Variants in SESTD1 observed in about 807,000 individuals in gnomAD.
The protein encoded by SESTD1 is SEC14 and spectrin domain containing 1, also known as SEC14 domain and spectrin repeat-containing protein 1.
A neutral mutation model predicts 101.7 loss-of-function variants in SESTD1; 43 were observed. That is an observed-to-expected ratio of 0.42 (90% CI 0.33 to 0.55). The LOEUF (loss-of-function observed/expected upper bound fraction) is 0.55, where lower values mean the gene tolerates loss of function less well. SESTD1 is among the 20% of genes least tolerant of loss of function. The pLI is 0.07. For missense variants in SESTD1, 647 were observed against 815.1 expected (o/e 0.79, Z 2.51); for synonymous variants, 283 against 286.8 (o/e 0.99, Z 0.13).
intron 9 of SESTD1, among the ~76,000 whole-genome samples, chr2:179,142,437 G>A (rs1190238452): frequency 1.3e-5 from 2 of 152,122 alleles, no homozygotes; most frequent in Non-Finnish European, 2.9e-5. Flanking sequence ...AGAAAGAGAG[G>A]AAAAGAGGAA....
chr2:179,232,652 A>G (rs1173327523), intron 1 of SESTD1, among the ~76,000 whole-genome samples: 5 of 152,196 alleles, frequency 3.3e-5, no homozygotes, highest in African/African-American at 1.2e-4. Context: ...AACAAGCTGT[A>G]GATCCACACA....
chr2:179,143,069 C>CTTTAGTATT (rs59246411), intron 9 of SESTD1, among the ~76,000 whole-genome samples: 63,824 of 151,246 alleles, frequency 0.42, 15,325 homozygotes, highest in African/African-American at 0.66. Flanking sequence ...AAATGTCTCC[C>CTTTAGTATT]TTTAGTATTT....
chr2:179,118,183 AAAT>A (rs1477517148), intron 13 of SESTD1, among the ~76,000 whole-genome samples: 2 of 152,140 alleles, frequency 1.3e-5, no homozygotes, highest in African/African-American at 4.8e-5. Flanking sequence ...ATAGTACCTA[AAAT>A]AATATTTAAT....
intron 4 of SESTD1, 38 bp from the exon 5 acceptor site, chr2:179,172,271 T>C: frequency 7.6e-7 from 1 of 1,310,942 alleles, no homozygotes; most frequent in Non-Finnish European, 1.1e-6. Flanking sequence ...ATTACACATG[T>C]AAAATGAATA....
At chr2:179,151,701 A>G (rs1413404698) in intron 5 of SESTD1, among the ~76,000 whole-genome samples, 1 of 152,162 alleles carries the variant, frequency 6.6e-6, no homozygotes, top group African/African-American at 2.4e-5. Context: ...CCTTAATGCA[A>G]TGAAGTAATA....
chr2:179,196,762 G>A (rs1304130323), intron 1 of SESTD1, among the ~76,000 whole-genome samples: 2 of 152,102 alleles, frequency 1.3e-5, no homozygotes, highest in Non-Finnish European at 2.9e-5. Context: ...CTGTTAGAAG[G>A]AAAACTAACA....
intron 1 of SESTD1, among the ~76,000 whole-genome samples, chr2:179,219,744 A>G (rs1266101742): frequency 6.6e-6 from 1 of 152,238 alleles, no homozygotes; most frequent in Non-Finnish European, 1.5e-5. Flanking sequence ...GTGCCAGTGC[A>G]TGATTACTAA....
At chr2:179,150,706 G>A (rs1486716404) in intron 6 of SESTD1, among the ~76,000 whole-genome samples, 1 of 152,042 alleles carries the variant, frequency 6.6e-6, no homozygotes, top group Non-Finnish European at 1.5e-5. Context: ...TGTAATCCCA[G>A]CTACTCACGA....
intron 9 of SESTD1, among the ~76,000 whole-genome samples, chr2:179,142,556 T>C (rs543348234): frequency 2.6e-5 from 4 of 152,256 alleles, no homozygotes; most frequent in African/African-American, 7.2e-5. Flanking sequence ...AAAAAGGCCA[T>C]CCACTTCCCA....
chr2:179,123,904 A>G, intron 11 of SESTD1, 75 bp from the exon 12 acceptor site: 1 of 1,070,106 alleles, frequency 9.3e-7, no homozygotes, highest in Non-Finnish European at 1.4e-6. Flanking sequence ...AATGAGGTTT[A>G]TATCTAATGA....
rs576064608 is a variant in SESTD1 at position 179,216,490 on chromosome 2, C to T, written c.-25-24624G>A. On this transcript the variant is annotated intron_variant, in intron 1 of 17. Coordinates refer to ENST00000428443, the MANE Select transcript of SESTD1 (RefSeq NM_178123.5). ...TCAATGAAATAAAAGAGGACACAAA[C>T]AAATGGAAGAATATTCCATGCTCAT... is the stretch of plus-strand genomic sequence containing the variant. Among the ~76,000 whole-genome samples the T allele has an allele frequency of 1.5e-3, 203 of 135,072 alleles. 39 individuals are homozygous for T. Among genetic ancestry groups the T allele is most frequent in the African/African-American group, 5.4e-3 (186 of 34,140 alleles). The allele number at this position is 135,072 out of a possible 152,430, so 88.6% of individuals were successfully genotyped here.
chr2:179,112,101 G>A (rs1214401884), intron 17 of SESTD1, among the ~76,000 whole-genome samples: 3 of 152,140 alleles, frequency 2.0e-5, no homozygotes, highest in Non-Finnish European at 4.4e-5. Flanking sequence ...AAATGGAAAG[G>A]TGTAAGATAA....
At chr2:179,147,296 T>C (rs1346809845) in intron 7 of SESTD1, among the ~76,000 whole-genome samples, 3 of 151,944 alleles carry the variant, frequency 2.0e-5, no homozygotes, top group Non-Finnish European at 2.9e-5. Flanking sequence ...TGATATTTCA[T>C]GTAGTCATGG....
intron 5 of SESTD1, among the ~76,000 whole-genome samples, chr2:179,169,747 C>T (rs771352982): frequency 2.0e-5 from 3 of 151,884 alleles, no homozygotes; most frequent in African/African-American, 4.8e-5. Context: ...TTTGGGAGGC[C>T]GAGGTGGGCA....
At position 179,118,559 on chromosome 2, in the gene SESTD1, A is replaced by T. The variant is rs545770941; in HGVS notation, c.1443-946T>A. Among the ~76,000 whole-genome samples the T allele has an allele frequency of 3.0e-3, 451 of 150,942 alleles. 3 individuals carry two copies. Among genetic ancestry groups the T allele is most frequent in the East Asian group, 8.9e-3 (46 of 5,150 alleles). ...AGTAGGTATCACAAGGCTTTTTTTT[A>T]AAAAAAAATAAAGATGCTCTGAATA... On this transcript the variant is annotated intron_variant, in intron 13 of 17. Transcript: ENST00000428443.
At chr2:179,234,621 T>C (rs532687178) in intron 1 of SESTD1, among the ~76,000 whole-genome samples, 4 of 152,032 alleles carry the variant, frequency 2.6e-5, no homozygotes, top group East Asian at 1.9e-4. Flanking sequence ...CTACTAAAAA[T>C]AGTACGAGTA....
chr2:179,139,081 C>T (rs2045220572), intron 9 of SESTD1, among the ~76,000 whole-genome samples: 1 of 152,048 alleles, frequency 6.6e-6, no homozygotes, highest in South Asian at 2.1e-4. Context: ...CTTACCATGA[C>T]ATGCATATTC....
At chr2:179,261,797 T>C (rs1222535446) in intron 1 of SESTD1, among the ~76,000 whole-genome samples, 2 of 152,062 alleles carry the variant, frequency 1.3e-5, no homozygotes, top group Non-Finnish European at 2.9e-5. Context: ...GTGCAGCAGC[T>C]ATGGAAAACA....
intron 1 of SESTD1, among the ~76,000 whole-genome samples, chr2:179,222,722 A>G (rs941042034): frequency 3.2e-4 from 49 of 152,204 alleles, no homozygotes; most frequent in Admixed American, 1.2e-3. Context: ...TTTATAAATC[A>G]TAAGAGATCA....
Sources: gnomAD v4.1 joint callset for allele counts (sites outside exome capture counted in the v4.1 genomes callset) on GRCh38, gnomAD v4.1.1 for gene constraint, MANE v1.5 for transcripts, NCBI Gene and HGNC (gene_info 2026-07-23, HGNC 2026-07-21) for gene names.